PRKDC: variants seen among roughly 807,000 people sequenced by gnomAD.
PRKDC encodes the protein DNA-dependent protein kinase catalytic subunit.
PRKDC carries 82 observed loss-of-function variants against 486.9 expected under a neutral mutation model. That is an observed-to-expected ratio of 0.17 (90% CI 0.14 to 0.20). The LOEUF is 0.20. Ranked by LOEUF, PRKDC falls within the 10% of genes least tolerant of loss-of-function variation. The pLI is 1.00. For missense variants in PRKDC, 4,504 were observed against 5,038.2 expected (o/e 0.89, Z 3.21); for synonymous variants, 1,895 against 1,837.0 (o/e 1.03, Z -0.81).
intron 49 of PRKDC, among the ~76,000 whole-genome samples, chr8:47,856,593 T>A (rs1297735279): frequency 6.6e-6 from 1 of 152,180 alleles, no homozygotes; most frequent in East Asian, 1.9e-4. Flanking sequence ...AAAACGTTTG[T>A]ATGCTGTCAG....
At chr8:47,872,605 G>A (rs2088980243) in intron 40 of PRKDC, among the ~76,000 whole-genome samples, 1 of 151,664 alleles carries the variant, frequency 6.6e-6, no homozygotes, top group African/African-American at 2.4e-5. Context: ...GATATTTCAT[G>A]CCAATGGAAA....
At chr8:47,777,249 C>T (rs937497001) in intron 84 of PRKDC, among the ~76,000 whole-genome samples, 4 of 152,030 alleles carry the variant, frequency 2.6e-5, no homozygotes, top group East Asian at 1.9e-4. Context: ...ACTCTTGTCA[C>T]CCAGGCTGGA....
chr8:47,901,588 A>T (rs2089683741), intron 27 of PRKDC, among the ~76,000 whole-genome samples: 1 of 152,246 alleles, frequency 6.6e-6, no homozygotes, highest in Admixed American at 6.5e-5. Context: ...CCAAAGAGGC[A>T]GCACACGCTC....
Position 47,831,862 on chromosome 8 carries a change from G to C in PRKDC, c.8217C>G (p.Leu2739=). Residue 2739 remains leucine, a synonymous_variant, in exon 60 of 86, where the codon CTC becomes CTG. Coordinates refer to ENST00000314191, the MANE Select transcript of PRKDC (RefSeq NM_006904.7). The stretch of plus-strand genomic sequence containing the variant: ...CGCCTTTTCTGGCATACATCAAACT[G>C]AGCTTCTCCTGGTCCCTCATAAACC... ...RRRFMRDQEK[L]SLMYARKGVA... is the part of the protein sequence containing the mutation. 1.9e-6 allele frequency: 3 copies of C among 1,614,022 alleles called. No individual in the cohort carries two copies. Among genetic ancestry groups the C allele is most frequent in the Non-Finnish European group, 2.5e-6 (3 of 1,179,888 alleles).
chr8:47,958,415 C>T (rs2090747118), intron 1 of PRKDC, among the ~76,000 whole-genome samples: 1 of 152,116 alleles, frequency 6.6e-6, no homozygotes, highest in South Asian at 2.1e-4. Context: ...CTCACAGAAT[C>T]CCCCTTACAG....
At chr8:47,853,578 C>G (rs1234788679) in intron 51 of PRKDC, among the ~76,000 whole-genome samples, 2 of 152,198 alleles carry the variant, frequency 1.3e-5, no homozygotes, top group African/African-American at 4.8e-5. Context: ...CCCTAGCTCC[C>G]AGGCGGGATG....
At chr8:47,878,332 C>T (rs2089135118) in intron 39 of PRKDC, among the ~76,000 whole-genome samples, 2 of 152,128 alleles carry the variant, frequency 1.3e-5, no homozygotes, top group African/African-American at 4.8e-5. Flanking sequence ...GTCTCGATCT[C>T]CTGACCTGGT....
At chr8:47,870,870 TAAAC>T (rs1175875230) in intron 40 of PRKDC, among the ~76,000 whole-genome samples, 2 of 152,022 alleles carry the variant, frequency 1.3e-5, no homozygotes, top group African/African-American at 2.4e-5. Flanking sequence ...TCAGATAAAT[TAAAC>T]AAAGAGATTG....
chr8:47,885,519 T>C (rs1226588546), intron 36 of PRKDC, among the ~76,000 whole-genome samples: 1 of 152,166 alleles, frequency 6.6e-6, no homozygotes, highest in Non-Finnish European at 1.5e-5. Flanking sequence ...AAGCAAGAGC[T>C]TTCAACCTTA....
Position 47,823,950 on chromosome 8 carries a change from TAAA to T in PRKDC, c.8827_8829del (p.Phe2943del). The T allele has an allele frequency of 3.1e-6, 5 of 1,613,628 alleles. No homozygotes were observed. The highest frequency in any genetic ancestry group is 4.2e-6 in the Non-Finnish European group (5 of 1,179,716). On this transcript the variant is annotated inframe_deletion, in exon 64 of 86. Coordinates refer to ENST00000314191, the MANE Select transcript of PRKDC (RefSeq NM_006904.7). The stretch of plus-strand genomic sequence containing the variant: ...ATTTGCTTTGTTCCTATCTCACTGG[TAAA>T]AATCCCACGGAGGACGTCGTATTCT...
At chr8:47,857,986 C>A (rs1003890998) in intron 48 of PRKDC, among the ~76,000 whole-genome samples, 1 of 152,158 alleles carries the variant, frequency 6.6e-6, no homozygotes, top group Non-Finnish European at 1.5e-5. Context: ...TCAGTGCAGA[C>A]CTGCTTGGCT....
At chr8:47,938,905 C>CT (rs917159753) in intron 11 of PRKDC, among the ~76,000 whole-genome samples, 59 of 151,692 alleles carry the variant, frequency 3.9e-4, no homozygotes, top group South Asian at 1.3e-3. Flanking sequence ...GTCATATAAA[C>CT]TTTTTTTTTA....
chr8:47,933,527 CTA>C (rs1229673602), intron 15 of PRKDC, among the ~76,000 whole-genome samples: 1 of 152,184 alleles, frequency 6.6e-6, no homozygotes, highest in East Asian at 1.9e-4. Flanking sequence ...TATATAGACA[CTA>C]TATCTTTTAT....
chr8:47,778,286 T>C (rs2086640437), intron 83 of PRKDC, among the ~76,000 whole-genome samples, 173 bp downstream of exon 83: 2 of 152,232 alleles, frequency 1.3e-5, no homozygotes, highest in South Asian at 4.1e-4. Context: ...TTCTGTGACC[T>C]GACTGAATGA....
intron 54 of PRKDC, among the ~76,000 whole-genome samples, chr8:47,842,795 TC>T (rs1471810561): frequency 1.3e-5 from 2 of 152,094 alleles, no homozygotes; most frequent in African/African-American, 4.8e-5. Flanking sequence ...AAGCTCAAGA[TC>T]CAGGAGAAGG....
rs191801558 is a variant in PRKDC, at chr8:47,876,530, G to A, written c.5363+1194C>T. Among the ~76,000 whole-genome samples, 174 of 151,990 alleles carry A rather than the reference G, an allele frequency of 1.1e-3. 1 individual carries two copies. Among genetic ancestry groups the A allele is most frequent in the African/African-American group, 3.8e-3 (158 of 41,452 alleles). On this transcript the variant is annotated intron_variant, in intron 40 of 85. Transcript: ENST00000314191. ...TACAAAAATTAGCCAGTGTGTTGGC[G>A]TGTGCCTGTAATCCCAGCTACTCGG...
intron 49 of PRKDC, among the ~76,000 whole-genome samples, chr8:47,855,937 A>C (rs1354657729): frequency 6.6e-6 from 1 of 152,102 alleles, no homozygotes; most frequent in African/African-American, 2.4e-5. Context: ...AGTGAGTAAA[A>C]GCTTCACGGC....
chr8:47,951,788 C>A (rs2090629527), intron 7 of PRKDC, among the ~76,000 whole-genome samples: 1 of 151,968 alleles, frequency 6.6e-6, no homozygotes, highest in South Asian at 2.1e-4. Flanking sequence ...ACCAATTAAC[C>A]TAAAAAATGG....
chr8:47,914,995 A>G (rs2089964057), intron 23 of PRKDC, among the ~76,000 whole-genome samples: 1 of 152,158 alleles, frequency 6.6e-6, no homozygotes, highest in Admixed American at 6.5e-5. Context: ...AAAAATTTCT[A>G]AAAATATCAT....
Sources: allele counts gnomAD v4.1 joint callset (sites outside exome capture counted in the v4.1 genomes callset), GRCh38; gene constraint gnomAD v4.1.1; transcripts MANE v1.5; gene names NCBI Gene and HGNC (gene_info 2026-07-23, HGNC 2026-07-21).